STAT3: variants seen among roughly 807,000 people sequenced by gnomAD.
STAT3 encodes the protein DNA-binding protein APRF.
In STAT3, 7 loss-of-function variants were observed where a neutral mutation model predicts 114.3. That is an observed-to-expected ratio of 0.06 (90% CI 0.03 to 0.11). STAT3 has a LOEUF of 0.11. Ranked by LOEUF, STAT3 falls within the 10% of genes least tolerant of loss-of-function variation. The probability of loss-of-function intolerance (pLI) is 1.00; values close to 1 mark genes in which losing one functional copy is unlikely to be tolerated. For missense variants in STAT3, 364 were observed against 960.9 expected (o/e 0.38, Z 8.21); for synonymous variants, 331 against 354.5 (o/e 0.93, Z 0.74).
In STAT3 at chr17:42,337,400, C is replaced by T. The variant is rs2082273072; in HGVS notation, c.797+35G>A. 5 of 1,610,866 alleles carry T rather than the reference C, an allele frequency of 3.1e-6. No homozygotes were observed. The highest frequency in any genetic ancestry group is 2.2e-5 in the East Asian group (1 of 44,804). The stretch of plus-strand genomic sequence containing the variant: ...TAAGATCAGAATTCAATCTAGCTTT[C>T]GAGAAAGAAAGGAAAAGCTTCTTTC... On this transcript the variant is annotated intron_variant, in intron 8 of 23. Transcript: ENST00000264657. This position sits in a 1 kb window ranked among gnomAD's most constrained non-coding sequence, Gnocchi z 4.0.
chr17:42,322,340 C>T lies in STAT3; in HGVS notation c.2043G>A (p.Glu681=), dbSNP rs2144679191. 2 of 1,614,238 alleles carry T rather than the reference C, an allele frequency of 1.2e-6. No individual in the cohort carries two copies. The highest frequency in any genetic ancestry group is 2.2e-5 in the East Asian group (1 of 44,890). Residue 681 remains glutamate, a synonymous_variant, in exon 21 of 24, where the codon GAG becomes GAA. Transcript: ENST00000264657. The stretch of plus-strand genomic sequence containing the variant: ...CTGGCCGACAATACTTTCCGAATGC[C>T]TCCTCCTTGGGAATGTCAGGATAGA... The part of the protein sequence containing the change: ...VYLYPDIPKE[E]AFGKYCRPES...
chr17:42,379,017 AAATC>A (rs1208963022), intron 1 of STAT3, among the ~76,000 whole-genome samples: 1 of 152,180 alleles, frequency 6.6e-6, no homozygotes, highest in African/African-American at 2.4e-5. Flanking sequence ...CAAACTAATC[AAATC>A]AATCAAACAA....
chr17:42,317,335 A>C (rs1386755478), intron 21 of STAT3, 111 bp from the exon 22 acceptor site: 18 of 1,264,414 alleles, frequency 1.4e-5, no homozygotes, highest in Non-Finnish European at 2.0e-5. Context: ...ACTCATCCTC[A>C]TGCCAAGATT....
chr17:42,382,830 T>C (rs1023642864), intron 1 of STAT3, among the ~76,000 whole-genome samples: 4 of 151,574 alleles, frequency 2.6e-5, no homozygotes, highest in Middle Eastern at 3.2e-3. Flanking sequence ...GTATTTTTAG[T>C]AGAGGCGGAG....
At chr17:42,357,201 AC>A (rs2083270220) in intron 1 of STAT3, among the ~76,000 whole-genome samples, 1 of 152,182 alleles carries the variant, frequency 6.6e-6, no homozygotes, top group South Asian at 2.1e-4. Flanking sequence ...AGATTTGGAA[AC>A]CCCAATTTAT....
rs578087107 is a variant in STAT3 at position 42,329,464 on chromosome 17, G to A, written c.1234-7C>T. The A allele has an allele frequency of 1.5e-4, 235 of 1,614,178 alleles. No individual in the cohort carries two copies. Among genetic ancestry groups the A allele is most frequent in the Non-Finnish European group, 1.9e-4 (221 of 1,180,038 alleles). On this transcript the variant is annotated splice_polypyrimidine_tract_variant and splice_region_variant and intron_variant, in intron 13 of 23. Coordinates refer to ENST00000264657, the MANE Select transcript of STAT3 (RefSeq NM_139276.3). ...ATCTCTGCTCCCTCAGGGTCTGTAA[G>A]AAAAGAAAAAGGCAGGTGTCCTGTG...
rs145703048 is a variant in STAT3 at position 42,331,053 on chromosome 17, T to C, written c.1109+419A>G. Among the ~76,000 whole-genome samples the C allele has an allele frequency of 1.2e-4, 19 of 152,296 alleles. No individual in the cohort carries two copies. In the East Asian group the frequency reaches 3.7e-3, roughly 29 times the overall value. On this transcript the variant is annotated intron_variant, in intron 11 of 23. Transcript: ENST00000264657. ...CCTACGACCAGTAGGCTCTGCCACA[T>C]AGCGTAGGTGTGCAGTAGGTTCTGC...
intron 1 of STAT3, among the ~76,000 whole-genome samples, chr17:42,351,591 G>A (rs1477295718): frequency 1.3e-5 from 2 of 152,012 alleles, no homozygotes; most frequent in Non-Finnish European, 2.9e-5. Context: ...TAAATCTCCT[G>A]TGTACTTTAC....
intron 4 of STAT3, among the ~76,000 whole-genome samples, chr17:42,344,179 T>A (rs2082581764): frequency 6.6e-6 from 1 of 152,134 alleles, no homozygotes. Context: ...TCCCAGCACT[T>A]TGGGAGGCCG....
intron 1 of STAT3, among the ~76,000 whole-genome samples, chr17:42,382,935 A>G (rs2084885866): frequency 1.3e-5 from 2 of 151,934 alleles, no homozygotes; most frequent in African/African-American, 4.8e-5. Flanking sequence ...GAGCCACCAC[A>G]CCCGGCTGGG....
intron 21 of STAT3, among the ~76,000 whole-genome samples, chr17:42,318,473 G>C (rs551167431): frequency 6.6e-6 from 1 of 152,302 alleles, no homozygotes; most frequent in South Asian, 2.1e-4. Flanking sequence ...TAAAATAAGA[G>C]GGAGGGGGAA....
In STAT3 at chr17:42,315,657, G is replaced by A; in HGVS notation, c.*88C>T. ...TGGAACCACAAAGTTAGTAGTTTCA[G>A]ATGATCTGGGGTTTGGCTGTGTGAG... On this transcript the variant is annotated 3_prime_UTR_variant, in exon 24 of 24. Transcript: ENST00000264657. 1 of 1,361,890 alleles carries A rather than the reference G, an allele frequency of 7.3e-7. No individual in the cohort carries two copies. Among genetic ancestry groups the A allele is most frequent in the South Asian group, 1.2e-5 (1 of 85,966 alleles). 84.4% of individuals were successfully genotyped at this position (1,361,890 alleles called of 1,614,324 possible).
At chr17:42,357,311 A>G (rs1374617542) in intron 1 of STAT3, among the ~76,000 whole-genome samples, 1 of 152,220 alleles carries the variant, frequency 6.6e-6, no homozygotes, top group Non-Finnish European at 1.5e-5. Flanking sequence ...AATTCACGCT[A>G]GAGAAAAACA....
At chr17:42,350,868 C>G (rs2082913482) in intron 1 of STAT3, among the ~76,000 whole-genome samples, 1 of 152,174 alleles carries the variant, frequency 6.6e-6, no homozygotes, top group Non-Finnish European at 1.5e-5. Context: ...TGCAGTGGCT[C>G]ACGCCTGTAA....
intron 4 of STAT3, among the ~76,000 whole-genome samples, chr17:42,342,952 C>T (rs2082508507): frequency 1.3e-5 from 2 of 151,172 alleles, no homozygotes. Context: ...AGTTGATGAG[C>T]CCAGGAGTTC....
At chr17:42,380,580 G>GGT (rs1555579797) in intron 1 of STAT3, among the ~76,000 whole-genome samples, 3 of 151,196 alleles carry the variant, frequency 2.0e-5, no homozygotes, top group Non-Finnish European at 2.9e-5. Context: ...AGACGGGGGG[G>GGT]GTCTCACTCT....
chr17:42,345,036 C>T (rs969506795), intron 4 of STAT3, among the ~76,000 whole-genome samples: 1 of 151,340 alleles, frequency 6.6e-6, no homozygotes, highest in African/African-American at 2.4e-5. Context: ...GAGGCTGAGG[C>T]GGGCGGATCA....
At chr17:42,317,026 G>A (rs1382957351) in intron 22 of STAT3, 125 bp from the exon 23 acceptor site, 60 of 1,557,454 alleles carry the variant, frequency 3.9e-5, no homozygotes, top group Non-Finnish European at 5.2e-5. Flanking sequence ...AAAAATAAAA[G>A]CTCAAGCTTT....
chr17:42,322,642 C>A, intron 20 of STAT3, 148 bp from the exon 21 acceptor site: 2 of 907,090 alleles, frequency 2.2e-6, no homozygotes, highest in Non-Finnish European at 3.6e-6. Context: ...TGGCCTGGCA[C>A]TGTGGAAATA....
Sources: gnomAD v4.1 joint callset for allele counts (sites outside exome capture counted in the v4.1 genomes callset) on GRCh38, gnomAD v4.1.1 for gene constraint, Gnocchi (gnomAD v3.1) non-coding constraint, MANE v1.5 for transcripts, NCBI Gene and HGNC (gene_info 2026-07-23, HGNC 2026-07-21) for gene names.